CADPS: variants seen among roughly 807,000 people sequenced by gnomAD.
CADPS encodes calcium-dependent secretion activator 1.
Under a neutral mutation model 167.3 loss-of-function variants are expected in CADPS, and 57 were observed. The observed-to-expected ratio is 0.34, with a 90% CI of 0.28 to 0.42. The LOEUF (loss-of-function observed/expected upper bound fraction) is 0.42. Ranked by LOEUF, CADPS falls within the 20% of genes least tolerant of loss-of-function variation. The pLI is 1.00. For missense variants in CADPS, 1,414 were observed against 1,738.1 expected, an observed-to-expected ratio of 0.81 and a Z score of 3.32; for synonymous variants, 676 against 635.3, an observed-to-expected ratio of 1.06 and a Z score of -0.96.
At chr3:62,429,245 T>C (rs116119166) in intron 28 of CADPS, among the ~76,000 whole-genome samples, 1,917 of 152,314 alleles carry the variant, frequency 0.013, 44 homozygotes, top group African/African-American at 0.043. Flanking sequence ...AACTTTTATG[T>C]GCACTTGAAT....
intron 1 of CADPS, among the ~76,000 whole-genome samples, chr3:62,864,664 A>C (rs2081367233): frequency 6.6e-6 from 1 of 152,200 alleles, no homozygotes; most frequent in African/African-American, 2.4e-5. Context: ...GACATCAGTC[A>C]TAATGGATTA....
intron 9 of CADPS, among the ~76,000 whole-genome samples, chr3:62,565,855 T>C (rs1490087847): frequency 1.3e-5 from 2 of 152,162 alleles, no homozygotes; most frequent in Non-Finnish European, 2.9e-5. Context: ...GTAGTACTAA[T>C]AGGAAATCTC....
chr3:62,406,692 C>A (rs150774130), intron 28 of CADPS, among the ~76,000 whole-genome samples: 1 of 152,188 alleles, frequency 6.6e-6, no homozygotes, highest in Non-Finnish European at 1.5e-5. Context: ...AGAAATAAAG[C>A]CCCCAACAGC....
At chr3:62,716,499 G>A (rs1395675577) in intron 3 of CADPS, among the ~76,000 whole-genome samples, 1 of 152,198 alleles carries the variant, frequency 6.6e-6, no homozygotes, top group Non-Finnish European at 1.5e-5. Flanking sequence ...AACTCAGAAT[G>A]TTCCATATCA....
Position 62,418,767 on chromosome 3 carries a change from TC to T in CADPS, c.3778-15583del, listed in dbSNP as rs2050719374. Among the ~76,000 whole-genome samples, 3 of 151,824 alleles carry T rather than the reference TC, an allele frequency of 2.0e-5. No homozygotes were observed. In the South Asian group the frequency reaches 6.2e-4, roughly 32 times the overall value. On this transcript the variant is annotated intron_variant, in intron 28 of 29. Coordinates refer to ENST00000383710, the MANE Select transcript of CADPS (RefSeq NM_003716.4). ...GGTGCCCAAATATCAAAATATACCT[TC>T]CCCCCTCTATCTCTTTTGATTAGCC...
At chr3:62,562,231 T>G (rs2079299152) in intron 9 of CADPS, among the ~76,000 whole-genome samples, 2 of 152,168 alleles carry the variant, frequency 1.3e-5, no homozygotes, top group Admixed American at 1.3e-4. Flanking sequence ...TCCTGGAGAC[T>G]AAGGACTATT....
intron 28 of CADPS, among the ~76,000 whole-genome samples, chr3:62,415,139 C>T (rs981532346): frequency 6.8e-6 from 1 of 147,132 alleles, no homozygotes; most frequent in Non-Finnish European, 1.5e-5. Flanking sequence ...CGCACACGTA[C>T]GACATCCAAC....
At chr3:62,487,203 T>C (rs1471696678) in intron 21 of CADPS, among the ~76,000 whole-genome samples, 2 of 152,180 alleles carry the variant, frequency 1.3e-5, no homozygotes, top group African/African-American at 4.8e-5. Context: ...TGAGTGACCA[T>C]CTGTCAGGGA....
chr3:62,577,588 T>C (rs1056932497), intron 8 of CADPS, among the ~76,000 whole-genome samples: 1 of 152,060 alleles, frequency 6.6e-6, no homozygotes, highest in Non-Finnish European at 1.5e-5. Flanking sequence ...TGAAAGCAAA[T>C]AACAATGATG....
At position 62,823,181 on chromosome 3, in the gene CADPS, A is replaced by G. The variant is rs141113373; in HGVS notation, c.441+51408T>C. On this transcript the variant is annotated intron_variant, in intron 1 of 29. Coordinates refer to ENST00000383710, the MANE Select transcript of CADPS (RefSeq NM_003716.4). ...AACAGAATGTGTGTGTTGTGGCAGC[A>G]CTAACTCAGGTGGTAAGACTTAAAC... is the stretch of plus-strand genomic sequence containing the variant. Among the ~76,000 whole-genome samples, 871 of 152,338 alleles carry G rather than the reference A, an allele frequency of 5.7e-3. 4 individuals are homozygous for G. The highest frequency in any genetic ancestry group is 9.6e-3 in the Non-Finnish European group (650 of 68,034).
chr3:62,648,691 C>CACAAAAA (rs1554036229), intron 5 of CADPS, among the ~76,000 whole-genome samples: 1 of 54,526 alleles, frequency 1.8e-5, no homozygotes, highest in Non-Finnish European at 3.7e-5. Flanking sequence ...GACGTTGTGT[C>CACAAAAA]AAAAAAAAAA....
chr3:62,492,548 A>G, intron 19 of CADPS, 102 bp from the exon 20 acceptor site: 2 of 1,115,874 alleles, frequency 1.8e-6, no homozygotes, highest in Non-Finnish European at 2.6e-6. Context: ...TTAATGGTGC[A>G]TCCAGCAGGG....
At chr3:62,583,669 T>A (rs1015726543) in intron 8 of CADPS, among the ~76,000 whole-genome samples, 1 of 152,150 alleles carries the variant, frequency 6.6e-6, no homozygotes, top group Non-Finnish European at 1.5e-5. Context: ...TTGGGTTGAG[T>A]CACTGGTCTC....
intron 1 of CADPS, among the ~76,000 whole-genome samples, chr3:62,868,174 G>A (rs933030860): frequency 2.6e-5 from 4 of 151,964 alleles, no homozygotes; most frequent in Non-Finnish European, 5.9e-5. Flanking sequence ...TATAAAACAA[G>A]AAAAGTACTG....
At chr3:62,733,289 A>C (rs7619739) in intron 3 of CADPS, among the ~76,000 whole-genome samples, 23,690 of 152,214 alleles carry the variant, frequency 0.16, 2,411 homozygotes, top group African/African-American at 0.3. Flanking sequence ...AATTAGTTAC[A>C]TAGAAATGTA....
At chr3:62,571,317 C>T (rs1228746533) in intron 8 of CADPS, among the ~76,000 whole-genome samples, 1 of 152,172 alleles carries the variant, frequency 6.6e-6, no homozygotes, top group Non-Finnish European at 1.5e-5. Flanking sequence ...TGTCAAGTTT[C>T]ACTCAGGAAA....
chr3:62,576,788 TAAAAAAAAAAAAA>T (rs138055445), intron 8 of CADPS, among the ~76,000 whole-genome samples: 8 of 29,874 alleles, frequency 2.7e-4, no homozygotes, highest in African/African-American at 6.1e-4. Context: ...AGACTCTGTC[TAAAAAAAAAAAAA>T]AAAAAAAAAA....
rs56069272 is a variant in CADPS at position 62,750,353 on chromosome 3, C to CAAAAA, written c.888+3083_888+3087dup. Among the ~76,000 whole-genome samples the CAAAAA allele has an allele frequency of 3.1e-3, 140 of 44,802 alleles. 2 individuals are homozygous for CAAAAA. Among genetic ancestry groups the CAAAAA allele is most frequent in the South Asian group, 7.3e-3 (5 of 684 alleles). The allele number at this position is 44,802 out of a possible 152,430, so 29.4% of individuals were successfully genotyped here. A position where few individuals can be genotyped will look rare whatever the true frequency, so the allele number is the denominator to read the frequency against. ...GTGACAGAGTGAGACTCTTAAGCTC[C>CAAAAA]AAAAAAAAAAAAAAAAAAAAAAAAA... On this transcript the variant is annotated intron_variant, in intron 3 of 29. Coordinates refer to ENST00000383710, the MANE Select transcript of CADPS (RefSeq NM_003716.4).
At position 62,491,328 on chromosome 3, in the gene CADPS, G is replaced by C. The variant is rs1328235456; in HGVS notation, c.3026+11C>G. The C allele has an allele frequency of 6.2e-7, 1 of 1,612,632 alleles. No homozygotes were observed. The highest frequency in any genetic ancestry group is 1.1e-5 in the South Asian group (1 of 90,752). On this transcript the variant is annotated intron_variant, in intron 21 of 29. Coordinates refer to ENST00000383710, the MANE Select transcript of CADPS (RefSeq NM_003716.4). Reference sequence around the variant, plus strand: ...CCCAAACTCCGATGGTATCAAAAAAGGTTTCCTTACTTGACTGGTTCCCAT... The same window carrying C: ...CCCAAACTCCGATGGTATCAAAAAACGTTTCCTTACTTGACTGGTTCCCAT...
Sources: gnomAD v4.1 joint callset for allele counts (sites outside exome capture counted in the v4.1 genomes callset) on GRCh38, gnomAD v4.1.1 for gene constraint, MANE v1.5 for transcripts, NCBI Gene and HGNC (gene_info 2026-07-23, HGNC 2026-07-21) for gene names.